Variants in TECTA observed in about 807,000 individuals in gnomAD.
TECTA encodes the protein alpha-tectorin.
TECTA carries 128 observed loss-of-function variants against 216.8 expected under a neutral mutation model. The ratio of observed to expected loss-of-function variants is 0.59; its 90% confidence interval spans 0.51 to 0.68. The LOEUF (loss-of-function observed/expected upper bound fraction) is 0.68, where lower values mean the gene tolerates loss of function less well. TECTA is among the 30% of genes least tolerant of loss of function. The probability of loss-of-function intolerance (pLI) is 0.00; values close to 1 mark genes in which losing one functional copy is unlikely to be tolerated. For missense variants in TECTA, 2,551 were observed against 2,786.2 expected (o/e 0.92, Z 1.90); for synonymous variants, 1,089 against 1,117.1 (o/e 0.97, Z 0.50).
rs1189829123 is a variant in TECTA at position 121,190,989 on chromosome 11, A to G, written c.*183A>G. ...ACCATCCAAGCTCCTCTTTCAGAGT[A>G]TGAAACGGGGCTTCTACAAGCCAGT... is the stretch of plus-strand genomic sequence containing the variant. On this transcript the variant is annotated 3_prime_UTR_variant, in exon 24 of 24. Transcript: ENST00000392793. 1.1e-5 allele frequency: 6 copies of G among 553,306 alleles called. No individual in the cohort carries two copies. In the East Asian group the frequency reaches 2.0e-4, roughly 19 times the overall value. 34.3% of individuals were successfully genotyped at this position (553,306 alleles called of 1,614,324 possible).
Position 121,145,766 on chromosome 11 carries a change from T to A in TECTA, c.3755T>A (p.Leu1252Gln). 1 of 1,614,164 alleles carries A rather than the reference T, an allele frequency of 6.2e-7. No homozygotes were observed. The highest frequency in any genetic ancestry group is 8.5e-7 in the Non-Finnish European group (1 of 1,180,032). Residue 1252 changes from leucine (L) to glutamine (Q), a missense_variant, in exon 12 of 24, where the codon CTG becomes CAG. Physicochemically the swap from Leu to Gln is moderately radical, Grantham distance 113. This residue lies in a region of TECTA where 2,375 missense variants were observed against 2,563.9 expected (regional missense o/e 0.93). Transcript: ENST00000392793. Reference protein sequence around the residue: ...GRYNGNPDDDLEMPMGLLASS... With the variant: ...GRYNGNPDDDQEMPMGLLASS... ...TACAACGGCAACCCTGATGATGACC[T>A]GGAGATGCCCATGGGTCTGCTTGCA...
intron 11 of TECTA, among the ~76,000 whole-genome samples, chr11:121,139,089 A>C (rs1481668739): frequency 6.6e-6 from 1 of 152,140 alleles, no homozygotes; most frequent in Non-Finnish European, 1.5e-5. Context: ...CTCTTGAATT[A>C]TCTTTCATGT....
chr11:121,124,256 C>T (rs1169796477), intron 7 of TECTA, among the ~76,000 whole-genome samples: 3 of 152,256 alleles, frequency 2.0e-5, no homozygotes, highest in South Asian at 4.2e-4. Context: ...GTGCCAAGTA[C>T]ATAGAAAGGC....
chr11:121,118,553 C>T lies in TECTA; in HGVS notation c.1038C>T (p.Tyr346=), dbSNP rs758152509. The T allele has an allele frequency of 2.5e-6, 4 of 1,614,092 alleles. No homozygotes were observed. The highest frequency in any genetic ancestry group is 2.2e-5 in the South Asian group (2 of 91,086). Residue 346 remains tyrosine, a synonymous_variant, in exon 7 of 24, where the codon TAC becomes TAT. Coordinates refer to ENST00000392793, the MANE Select transcript of TECTA (RefSeq NM_005422.4). The part of the protein sequence containing the change: ...FLFHFQGSCA[Y]LLARQCLQTS... Reference sequence around the variant, plus strand: ...TCCACTTCCAAGGCTCCTGTGCCTACTTGCTGGCCCGACAGTGTTTGCAGA... The same window carrying T: ...TCCACTTCCAAGGCTCCTGTGCCTATTTGCTGGCCCGACAGTGTTTGCAGA...
At chr11:121,167,872 C>T (rs1164050928) in intron 18 of TECTA, among the ~76,000 whole-genome samples, 182 bp from the exon 19 acceptor site, 5 of 152,202 alleles carry the variant, frequency 3.3e-5, no homozygotes, top group Non-Finnish European at 1.5e-5. Context: ...CTGCTGATAT[C>T]TATTGTAATA....
chr11:121,181,065 T>G (rs1947223758), intron 20 of TECTA, among the ~76,000 whole-genome samples: 1 of 152,106 alleles, frequency 6.6e-6, no homozygotes, highest in African/African-American at 2.4e-5. Flanking sequence ...CTTGGGAGGC[T>G]GAGGCAGGAG....
At chr11:121,124,244 C>G (rs1034641348) in intron 7 of TECTA, among the ~76,000 whole-genome samples, 1 of 152,192 alleles carries the variant, frequency 6.6e-6, no homozygotes, top group Non-Finnish European at 1.5e-5. Flanking sequence ...ACTCTTAGAA[C>G]AGTGCCAAGT....
intron 11 of TECTA, among the ~76,000 whole-genome samples, chr11:121,139,729 G>A (rs1400833739): frequency 2.0e-5 from 3 of 151,740 alleles, no homozygotes; most frequent in Non-Finnish European, 2.9e-5. Context: ...ACAAATAACC[G>A]CTTTCTTCCA....
intron 11 of TECTA, among the ~76,000 whole-genome samples, chr11:121,142,237 A>G (rs1337948311): frequency 6.6e-6 from 1 of 152,156 alleles, no homozygotes; most frequent in Non-Finnish European, 1.5e-5. Flanking sequence ...TTTGAAATAC[A>G]CTTTCCCCCA....
At position 121,113,307 on chromosome 11, in the gene TECTA, A is replaced by G; in HGVS notation, c.624+98A>G. On this transcript the variant is annotated intron_variant, in intron 5 of 23. Coordinates refer to ENST00000392793, the MANE Select transcript of TECTA (RefSeq NM_005422.4). The surrounding 1 kb of genome is among the most constrained non-coding windows in gnomAD (Gnocchi z 4.2). ...GGAGGGAATCCTGCCACCAGCTTTTAACTAGAGACGCAGGTCTGATCTCGC... is the reference window on the plus strand; with the variant it reads ...GGAGGGAATCCTGCCACCAGCTTTTGACTAGAGACGCAGGTCTGATCTCGC... 1.3e-6 allele frequency: 2 copies of G among 1,596,996 alleles called. No individual in the cohort carries two copies. The highest frequency in any genetic ancestry group is 1.7e-6 in the Non-Finnish European group (2 of 1,171,446).
chr11:121,143,761 T>C (rs79817321), intron 11 of TECTA, among the ~76,000 whole-genome samples: 152 of 151,934 alleles, frequency 1.0e-3, no homozygotes, highest in African/African-American at 3.4e-3. Context: ...AAAGGTGGGG[T>C]CAAGGGCATC....
At chr11:121,167,717 A>T (rs114688090) in intron 18 of TECTA, among the ~76,000 whole-genome samples, 119 of 152,336 alleles carry the variant, frequency 7.8e-4, no homozygotes, top group African/African-American at 2.7e-3. Context: ...TTGAAAAAGA[A>T]GATTTCTATT....
rs1339784306 is a variant in TECTA at position 121,131,177 on chromosome 11, GCACT to G, written c.2941+968_2941+971del. ...TGCAGTGAGCCCAGATCACGCCACT[GCACT>G]CCAGCCTGGGCGACAGAGCAAGACT... On this transcript the variant is annotated intron_variant, in intron 10 of 23. Transcript: ENST00000392793. Among the ~76,000 whole-genome samples, 26 of 121,332 alleles carry G rather than the reference GCACT, an allele frequency of 2.1e-4. No individual in the cohort carries two copies. The East Asian group carries it at 6.3e-3, about 29-fold the overall frequency. 79.6% of individuals were successfully genotyped at this position (121,332 alleles called of 152,430 possible).
chr11:121,139,856 G>A (rs1946767429), intron 11 of TECTA, among the ~76,000 whole-genome samples: 1 of 152,182 alleles, frequency 6.6e-6, no homozygotes, highest in South Asian at 2.1e-4. Context: ...ATTTCTAGAT[G>A]TTTGGATAGT....
At chr11:121,185,193 T>C (rs538437939) in intron 20 of TECTA, among the ~76,000 whole-genome samples, 12 of 152,352 alleles carry the variant, frequency 7.9e-5, no homozygotes, top group African/African-American at 2.9e-4. Flanking sequence ...CTTCTTTATG[T>C]AGGTGAATCC....
chr11:121,162,429 G>A, intron 16 of TECTA, 59 bp downstream of exon 16: 1 of 1,562,564 alleles, frequency 6.4e-7, no homozygotes, highest in East Asian at 2.3e-5. Flanking sequence ...CAGCTTTGCT[G>A]GTAGCATTGC....
rs372687771 is a variant in TECTA, at chr11:121,113,249, G to A, written c.624+40G>A. ...ACTTCATCCCCCGCGTGTTTCCGTC[G>A]CTGCACTCTCTGCTTCTGTGGCTCA... is the stretch of plus-strand genomic sequence containing the variant. On this transcript the variant is annotated intron_variant, in intron 5 of 23. Coordinates refer to ENST00000392793, the MANE Select transcript of TECTA (RefSeq NM_005422.4). The surrounding 1 kb of genome is among the most constrained non-coding windows in gnomAD (Gnocchi z 4.2). The A allele has an allele frequency of 1.2e-5, 20 of 1,613,000 alleles. No homozygotes were observed. In the African/African-American group the frequency reaches 2.0e-4, roughly 16 times the overall value.
chr11:121,118,241 G>A, intron 6 of TECTA, 65 bp from the exon 7 acceptor site: 1 of 1,592,718 alleles, frequency 6.3e-7, no homozygotes, highest in Non-Finnish European at 8.6e-7. Flanking sequence ...AAAGCATTTA[G>A]CCCAATGCCT....
intron 7 of TECTA, among the ~76,000 whole-genome samples, chr11:121,120,640 C>A (rs940975884): frequency 1.4e-4 from 21 of 152,216 alleles, no homozygotes; most frequent in African/African-American, 5.1e-4. Flanking sequence ...GGGTTCTGTA[C>A]ATGGATTTTC....
Sources: gnomAD v4.1 joint callset for allele counts (sites outside exome capture counted in the v4.1 genomes callset) on GRCh38, gnomAD v4.1.1 for gene constraint, gnomAD v4.1.1 regional missense constraint, Gnocchi (gnomAD v3.1) non-coding constraint, MANE v1.5 for transcripts, NCBI Gene and HGNC (gene_info 2026-07-23, HGNC 2026-07-21) for gene names.